Variants in KLHL32 observed in about 807,000 individuals in gnomAD.
The protein encoded by KLHL32 is kelch like family member 32.
Under a neutral mutation model 64.8 loss-of-function variants are expected in KLHL32, and 35 were observed. That is an observed-to-expected ratio of 0.54 (90% CI 0.41 to 0.72). KLHL32 has a LOEUF of 0.72. Ranked by LOEUF, KLHL32 falls within the 30% of genes least tolerant of loss-of-function variation. The pLI is 0.00. For synonymous variants in KLHL32, 259 were observed against 281.0 expected (o/e 0.92, Z 0.78); for missense variants, 589 against 768.5 (o/e 0.77, Z 2.76).
intron 3 of KLHL32, among the ~76,000 whole-genome samples, chr6:97,005,959 T>C (rs887478287): frequency 2.0e-5 from 3 of 152,160 alleles, no homozygotes; most frequent in African/African-American, 7.2e-5. Context: ...ATGTATAGTA[T>C]GTACAGAAGA....
At chr6:96,955,318 G>T (rs1231562532) in intron 1 of KLHL32, among the ~76,000 whole-genome samples, 1 of 152,092 alleles carries the variant, frequency 6.6e-6, no homozygotes, top group Non-Finnish European at 1.5e-5. Flanking sequence ...CCATTGCCAG[G>T]TTGGAATTTG....
chr6:97,003,531 A>G (rs889938202), intron 3 of KLHL32, among the ~76,000 whole-genome samples: 1 of 152,070 alleles, frequency 6.6e-6, no homozygotes, highest in African/African-American at 2.4e-5. Context: ...TTTTGTTGCA[A>G]TTGCTTTCGG....
chr6:96,966,305 A>G (rs987205194), intron 1 of KLHL32, among the ~76,000 whole-genome samples: 1 of 152,242 alleles, frequency 6.6e-6, no homozygotes, highest in African/African-American at 2.4e-5. Context: ...TTTTCTAGTC[A>G]GAGTTACTCC....
Position 97,031,341 on chromosome 6 carries a change from ATTT to A in KLHL32, c.205-10141_205-10139del, listed in dbSNP as rs55960372. The stretch of plus-strand genomic sequence containing the variant: ...AAATTATAAGCATTAAGTTTTTAAC[ATTT>A]TTTTTTTTTGAGATAGAGTCTCACT... On this transcript the variant is annotated intron_variant, in intron 3 of 10. Coordinates refer to ENST00000369261, the MANE Select transcript of KLHL32 (RefSeq NM_052904.4). Among the ~76,000 whole-genome samples, 3 of 147,306 alleles carry A rather than the reference ATTT, an allele frequency of 2.0e-5. 1 individual carries two copies. Among genetic ancestry groups the A allele is most frequent in the Admixed American group, 2.0e-4 (3 of 14,740 alleles).
chr6:97,015,759 G>A (rs1430983453), intron 3 of KLHL32, among the ~76,000 whole-genome samples: 1 of 152,170 alleles, frequency 6.6e-6, no homozygotes, highest in Non-Finnish European at 1.5e-5. Context: ...AATGTCCCCA[G>A]GGCATGTCAG....
intron 4 of KLHL32, among the ~76,000 whole-genome samples, chr6:97,051,002 T>G (rs2128136097): frequency 6.6e-6 from 1 of 152,148 alleles, no homozygotes; most frequent in African/African-American, 2.4e-5. Context: ...AAACTCCATC[T>G]CAAACAAACA....
At chr6:96,901,807 C>G in the KLHL32 span, among the ~76,000 whole-genome samples, 1 of 152,160 alleles carries the variant, frequency 6.6e-6, no homozygotes, top group Non-Finnish European at 1.5e-5. Context: ...CATCATTTAG[C>G]TCCCACTTAT....
chr6:96,926,743 C>T (rs1179233726), intron 1 of KLHL32, among the ~76,000 whole-genome samples: 1 of 152,168 alleles, frequency 6.6e-6, no homozygotes, highest in Non-Finnish European at 1.5e-5. Flanking sequence ...AGGCAGCTCC[C>T]ACTCCACTGT....
intron 6 of KLHL32, among the ~76,000 whole-genome samples, chr6:97,110,804 G>T (rs918561154): frequency 6.6e-6 from 1 of 152,212 alleles, no homozygotes; most frequent in Admixed American, 6.5e-5. Flanking sequence ...TGGCTATTTC[G>T]GTGCCGGCAG....
the KLHL32 span, among the ~76,000 whole-genome samples, chr6:96,913,227 A>G: frequency 6.6e-6 from 1 of 152,340 alleles, no homozygotes; most frequent in Middle Eastern, 3.4e-3. Context: ...ACACCCCAGC[A>G]ACTAATAAAC....
chr6:97,056,133 T>G (rs1787862912), intron 4 of KLHL32, among the ~76,000 whole-genome samples: 1 of 138,406 alleles, frequency 7.2e-6, no homozygotes, highest in Non-Finnish European at 1.5e-5. Context: ...TGAGATGAAG[T>G]CTCGCTCTGT....
chr6:97,078,192 A>G (rs569365249), intron 5 of KLHL32, among the ~76,000 whole-genome samples: 1 of 152,344 alleles, frequency 6.6e-6, no homozygotes, highest in African/African-American at 2.4e-5. Context: ...GTGGTTTTAA[A>G]AAGAGAATTT....
chr6:97,139,473 C>G lies in KLHL32; in HGVS notation c.*191C>G, dbSNP rs1025366960. Reference sequence around the variant, plus strand: ...CGTCACCCTTCTCAGTGTATGTCAACATTCAATATGTATGACTTTTATTGT... The same window carrying G: ...CGTCACCCTTCTCAGTGTATGTCAAGATTCAATATGTATGACTTTTATTGT... On this transcript the variant is annotated 3_prime_UTR_variant, in exon 11 of 11. Transcript: ENST00000369261. 2.0e-5 allele frequency: 11 copies of G among 560,570 alleles called. No individual in the cohort carries two copies. In the Admixed American group the frequency reaches 3.7e-4, roughly 19 times the overall value. The allele number at this position is 560,570 out of a possible 1,614,324, so 34.7% of individuals were successfully genotyped here.
chr6:97,016,157 C>A lies in KLHL32; in HGVS notation c.205-25335C>A, dbSNP rs569184057. ...TCGGAGCCCCCACACAGAGTCCCCACTGGGGCACTGCCTAGTGGAGCTGTG... is the reference window on the plus strand; with the variant it reads ...TCGGAGCCCCCACACAGAGTCCCCAATGGGGCACTGCCTAGTGGAGCTGTG... On this transcript the variant is annotated intron_variant, in intron 3 of 10. Transcript: ENST00000369261. Among the ~76,000 whole-genome samples the A allele has an allele frequency of 2.0e-5, 3 of 152,384 alleles. No individual in the cohort carries two copies. The South Asian group carries it at 6.2e-4, about 32-fold the overall frequency.
At chr6:97,110,982 C>A (rs1007522689) in intron 6 of KLHL32, among the ~76,000 whole-genome samples, 8 of 151,534 alleles carry the variant, frequency 5.3e-5, no homozygotes, top group African/African-American at 2.0e-4. Context: ...AGATAAGGAG[C>A]CATTTCAAAC....
chr6:97,012,566 C>T (rs545671701), intron 3 of KLHL32, among the ~76,000 whole-genome samples: 2 of 152,286 alleles, frequency 1.3e-5, no homozygotes, highest in East Asian at 1.9e-4. Flanking sequence ...TTTTAAACCA[C>T]GAAGTTTGTG....
chr6:96,968,772 C>T (rs1424321532), intron 2 of KLHL32, among the ~76,000 whole-genome samples: 2 of 152,066 alleles, frequency 1.3e-5, no homozygotes, highest in Non-Finnish European at 2.9e-5. Context: ...CTCTGTTTGC[C>T]TCCGACTTCA....
chr6:96,974,509 T>C (rs1775487618), intron 2 of KLHL32, among the ~76,000 whole-genome samples: 1 of 152,214 alleles, frequency 6.6e-6, no homozygotes, highest in South Asian at 2.1e-4. Context: ...ACAGTAACCA[T>C]TTCAAAACTC....
chr6:96,996,100 C>T (rs1047447246), intron 3 of KLHL32, among the ~76,000 whole-genome samples: 3 of 152,154 alleles, frequency 2.0e-5, no homozygotes, highest in Admixed American at 6.6e-5. Flanking sequence ...CAGGGCCCAG[C>T]GTGGGCAGCC....
Sources: gnomAD v4.1 joint callset for allele counts (sites outside exome capture counted in the v4.1 genomes callset) on GRCh38, gnomAD v4.1.1 for gene constraint, MANE v1.5 for transcripts, NCBI Gene and HGNC (gene_info 2026-07-23, HGNC 2026-07-21) for gene names.